The following MB21D2 variants were observed in gnomAD, a reference collection of about 807,000 sequenced individuals.
MB21D2 encodes the protein nucleotidyltransferase MB21D2.
Under a neutral mutation model 33.3 loss-of-function variants are expected in MB21D2, and 9 were observed. That is an observed-to-expected ratio of 0.27 (90% CI 0.16 to 0.47). MB21D2 has a LOEUF of 0.47. Ranked by LOEUF, MB21D2 falls within the 20% of genes least tolerant of loss-of-function variation. MB21D2 has a pLI of 0.99. For synonymous variants in MB21D2, 241 were observed against 236.3 expected (o/e 1.02, Z -0.18); for missense variants, 540 against 624.6 (o/e 0.86, Z 1.44).
chr3:192,901,227 C>G (rs1055085911), intron 1 of MB21D2, among the ~76,000 whole-genome samples: 4 of 151,944 alleles, frequency 2.6e-5, no homozygotes, highest in Non-Finnish European at 5.9e-5. Flanking sequence ...TCTACATTGT[C>G]CAGATAGTTC....
At chr3:192,822,322 T>C (rs1315712297) in intron 1 of MB21D2, among the ~76,000 whole-genome samples, 1 of 152,168 alleles carries the variant, frequency 6.6e-6, no homozygotes, top group Non-Finnish European at 1.5e-5. Context: ...CAATTACTGG[T>C]TTCTCCCCAA....
At chr3:192,846,850 C>T (rs1320833420) in intron 1 of MB21D2, among the ~76,000 whole-genome samples, 2 of 152,162 alleles carry the variant, frequency 1.3e-5, no homozygotes, top group East Asian at 1.9e-4. Context: ...TTCTCTTATA[C>T]CTGTTTCAAG....
At chr3:192,810,830 A>G (rs541680582) in intron 1 of MB21D2, among the ~76,000 whole-genome samples, 1 of 152,308 alleles carries the variant, frequency 6.6e-6, no homozygotes, top group Non-Finnish European at 1.5e-5. Context: ...AATAGTTCCT[A>G]TTATTACAGA....
intron 1 of MB21D2, among the ~76,000 whole-genome samples, chr3:192,842,178 A>C (rs977661475): frequency 6.6e-6 from 1 of 152,248 alleles, no homozygotes; most frequent in Non-Finnish European, 1.5e-5. Flanking sequence ...GGGGGAAATA[A>C]AGAGCTGAAC....
intron 1 of MB21D2, among the ~76,000 whole-genome samples, chr3:192,819,069 G>A (rs951449653): frequency 2.0e-5 from 3 of 152,098 alleles, no homozygotes; most frequent in Admixed American, 2.0e-4. Flanking sequence ...TGGAATATAA[G>A]TGACTCATAG....
chr3:192,820,234 A>G (rs1399688497), intron 1 of MB21D2, among the ~76,000 whole-genome samples: 1 of 152,216 alleles, frequency 6.6e-6, no homozygotes, highest in African/African-American at 2.4e-5. Context: ...GAACCTTCAG[A>G]CAGATTTCTC....
chr3:192,852,514 G>C (rs1368654360), intron 1 of MB21D2, among the ~76,000 whole-genome samples: 1 of 151,984 alleles, frequency 6.6e-6, no homozygotes, highest in Non-Finnish European at 1.5e-5. Context: ...TTTTAAACGG[G>C]GGAAAAACAG....
At chr3:192,909,173 G>A (rs1439954211) in intron 1 of MB21D2, among the ~76,000 whole-genome samples, 3 of 151,462 alleles carry the variant, frequency 2.0e-5, no homozygotes, top group Non-Finnish European at 4.4e-5. Context: ...GGAGAATGGT[G>A]TGAACCCGGG....
chr3:192,854,930 C>A (rs1712884034), intron 1 of MB21D2, among the ~76,000 whole-genome samples: 1 of 152,208 alleles, frequency 6.6e-6, no homozygotes, highest in African/African-American at 2.4e-5. Context: ...CAAAATATTT[C>A]TGCTCACTGA....
At chr3:192,831,711 G>A (rs916745461) in intron 1 of MB21D2, among the ~76,000 whole-genome samples, 3 of 152,220 alleles carry the variant, frequency 2.0e-5, no homozygotes, top group Non-Finnish European at 2.9e-5. Context: ...TATTATTAGG[G>A]ATGTACAATT....
At chr3:192,903,651 C>T (rs1714147840) in intron 1 of MB21D2, among the ~76,000 whole-genome samples, 2 of 152,184 alleles carry the variant, frequency 1.3e-5, no homozygotes, top group Admixed American at 1.3e-4. Context: ...GATATTTGCT[C>T]TCCCAACAAC....
intron 1 of MB21D2, among the ~76,000 whole-genome samples, chr3:192,844,243 A>C (rs1308833928): frequency 2.0e-5 from 3 of 152,228 alleles, no homozygotes; most frequent in African/African-American, 7.2e-5. Flanking sequence ...TGTCCCATTA[A>C]CATTCAAGCT....
chr3:192,808,256 A>G (rs1332118232), intron 1 of MB21D2, among the ~76,000 whole-genome samples: 1 of 152,212 alleles, frequency 6.6e-6, no homozygotes, highest in Non-Finnish European at 1.5e-5. Flanking sequence ...AACAGCTCCC[A>G]CACTAATCAG....
chr3:192,875,427 G>A (rs961410710), intron 1 of MB21D2, among the ~76,000 whole-genome samples: 18 of 152,198 alleles, frequency 1.2e-4, no homozygotes, highest in South Asian at 6.2e-4. Context: ...ACATGGATGC[G>A]TAGAGAAAAG....
At chr3:192,887,360 C>T (rs981039785) in intron 1 of MB21D2, among the ~76,000 whole-genome samples, 1 of 152,020 alleles carries the variant, frequency 6.6e-6, no homozygotes, top group South Asian at 2.1e-4. Flanking sequence ...AAAGACGTTG[C>T]TTAATATTTA....
intron 1 of MB21D2, among the ~76,000 whole-genome samples, chr3:192,830,666 A>G (rs1027367707): frequency 6.6e-6 from 1 of 152,090 alleles, no homozygotes; most frequent in African/African-American, 2.4e-5. Flanking sequence ...TTGCAGTGCA[A>G]CCCTAGAGAT....
rs115795338 is a variant in MB21D2, at chr3:192,833,251, A to C, written c.212-33601T>G. On this transcript the variant is annotated intron_variant, in intron 1 of 1. Transcript: ENST00000392452. ...AAATGCTAACCCTATCTTGGCAAGG[A>C]AAGTCAATGACTCATTCAAGCCAAA... Among the ~76,000 whole-genome samples the C allele has an allele frequency of 7.4e-3, 1,129 of 152,316 alleles. 11 individuals carry two copies. The highest frequency in any genetic ancestry group is 0.026 in the African/African-American group (1,093 of 41,570).
At chr3:192,906,198 G>A (rs946920088) in intron 1 of MB21D2, among the ~76,000 whole-genome samples, 1 of 152,140 alleles carries the variant, frequency 6.6e-6, no homozygotes, top group Admixed American at 6.5e-5. Flanking sequence ...TAAAATCTGA[G>A]AATCACATGG....
intron 1 of MB21D2, among the ~76,000 whole-genome samples, chr3:192,855,899 C>A (rs563722304): frequency 6.6e-6 from 1 of 152,234 alleles, no homozygotes; most frequent in Non-Finnish European, 1.5e-5. Context: ...ATGGCGAAAG[C>A]CCATCTCTAT....
Sources: allele counts gnomAD v4.1 joint callset (sites outside exome capture counted in the v4.1 genomes callset), GRCh38; gene constraint gnomAD v4.1.1; transcripts MANE v1.5; gene names NCBI Gene and HGNC (gene_info 2026-07-23, HGNC 2026-07-21).